OPN4: variants seen among roughly 807,000 people sequenced by gnomAD.
OPN4 encodes melanopsin.
In OPN4, 43 loss-of-function variants were observed where a neutral mutation model predicts 49.5. The ratio of observed to expected loss-of-function variants is 0.87; its 90% CI spans 0.68 to 1.12. The LOEUF (loss-of-function observed/expected upper bound fraction) is 1.12, where lower values mean the gene tolerates loss of function less well. OPN4 is among the 50% of genes most tolerant of loss of function. The pLI, the probability that OPN4 is intolerant of heterozygous loss-of-function variation, is 0.00. For synonymous variants in OPN4, 263 were observed against 258.0 expected, an observed-to-expected ratio of 1.02 and a Z score of -0.19; for missense variants, 657 against 643.9, an observed-to-expected ratio of 1.02 and a Z score of -0.22.
chr10:86,655,029 C>G (rs1200375853), intron 1 of OPN4, 102 bp downstream of exon 1: 1 of 1,224,594 alleles, frequency 8.2e-7, no homozygotes, highest in African/African-American at 1.5e-5. Context: ...TAGAAAAGGT[C>G]TGAACTCTGC....
chr10:86,661,561 C>T (rs898108986), intron 7 of OPN4, among the ~76,000 whole-genome samples, 173 bp downstream of exon 7: 2 of 152,148 alleles, frequency 1.3e-5, no homozygotes, highest in African/African-American at 4.8e-5. Flanking sequence ...CTCCCTCCCC[C>T]GCCCCAGCTT....
intron 1 of OPN4, among the ~76,000 whole-genome samples, chr10:86,655,577 C>T (rs1004818355): frequency 6.6e-6 from 1 of 152,128 alleles, no homozygotes; most frequent in Non-Finnish European, 1.5e-5. Flanking sequence ...CTTCAGTGAC[C>T]CTGGGAGGCC....
intron 1 of OPN4, 136 bp downstream of exon 1, chr10:86,655,063 G>T: frequency 3.4e-6 from 3 of 883,126 alleles, no homozygotes; most frequent in Non-Finnish European, 5.1e-6. Flanking sequence ...GCCATTACTG[G>T]ACCTCTCTGA....
intron 9 of OPN4, 35 bp downstream of exon 9, chr10:86,663,837 G>A (rs1226140663): frequency 6.5e-7 from 1 of 1,546,648 alleles, no homozygotes; most frequent in Admixed American, 2.0e-5. Flanking sequence ...TCCACAAAGG[G>A]GTGGGGGTTA....
intron 2 of OPN4, 111 bp from the exon 3 acceptor site, chr10:86,657,921 T>C: frequency 8.7e-7 from 1 of 1,144,520 alleles, no homozygotes; most frequent in South Asian, 1.5e-5. Context: ...TGTGTGTGCA[T>C]GTGTAAGTGT....
Position 86,662,420 on chromosome 10 carries a change from G to A in OPN4, c.1242G>A (p.Ser414=), listed in dbSNP as rs374246643. ...SIRRRQESLG[S]ESEVGWTHME... ...GGAGGCGCCAGGAGTCCCTGGGCTCGGAGAGTGAGGTGGTAAGGATGCTGG... is the reference window on the plus strand; with the variant it reads ...GGAGGCGCCAGGAGTCCCTGGGCTCAGAGAGTGAGGTGGTAAGGATGCTGG... The change falls in exon 8 of 10, where the codon TCG becomes TCA. Residue 414 remains serine, a synonymous_variant. Transcript: ENST00000241891. 5.9e-5 allele frequency: 92 copies of A among 1,550,038 alleles called. No individual in the cohort carries two copies. Among genetic ancestry groups the A allele is most frequent in the South Asian group, 9.5e-5 (8 of 84,244 alleles).
rs1843821571 is a variant in OPN4, at chr10:86,654,621, G to A, written c.-163G>A. On this transcript the variant is annotated 5_prime_UTR_variant, in exon 1 of 10. Transcript: ENST00000241891. Reference sequence around the variant, plus strand: ...AGAGCAACCGCCAGCCCCAAGAGCAGCTCCAGGCTGGATCTGCGCCGGACA... The same window carrying A: ...AGAGCAACCGCCAGCCCCAAGAGCAACTCCAGGCTGGATCTGCGCCGGACA... The A allele has an allele frequency of 2.1e-6, 2 of 956,962 alleles. No individual in the cohort carries two copies. The highest frequency in any genetic ancestry group is 1.7e-5 in the South Asian group (1 of 57,160). The allele number at this position is 956,962 out of a possible 1,614,324, so 59.3% of individuals were successfully genotyped here. A position where few individuals can be genotyped will look rare whatever the true frequency, so the allele number is the denominator to read the frequency against.
chr10:86,661,583 C>A (rs538428382), intron 7 of OPN4, among the ~76,000 whole-genome samples, 195 bp downstream of exon 7: 3 of 152,104 alleles, frequency 2.0e-5, no homozygotes, highest in South Asian at 2.1e-4. Context: ...CCAGGGGTCA[C>A]GGTGTGGAGG....
chr10:86,655,288 C>T (rs12241267), intron 1 of OPN4, among the ~76,000 whole-genome samples: 4,533 of 152,262 alleles, frequency 0.03, 243 homozygotes, highest in African/African-American at 0.1. Flanking sequence ...ATCTGCCAAG[C>T]CCACAGTGAA....
chr10:86,664,544 G>C (rs547564256), intron 9 of OPN4, among the ~76,000 whole-genome samples: 2 of 152,140 alleles, frequency 1.3e-5, no homozygotes, highest in African/African-American at 4.8e-5. Flanking sequence ...CCAGCTGACA[G>C]CTCCCCATCT....
intron 8 of OPN4, among the ~76,000 whole-genome samples, chr10:86,663,295 A>C (rs1844060630): frequency 6.6e-6 from 1 of 152,180 alleles, no homozygotes; most frequent in Non-Finnish European, 1.5e-5. Context: ...CTGAGAGAGG[A>C]GCTGTCAGAG....
intron 2 of OPN4, chr10:86,657,086 G>T: frequency 2.9e-6 from 2 of 698,842 alleles, no homozygotes; most frequent in Admixed American, 1.9e-5. Flanking sequence ...GGTGGAGAAG[G>T]GAACCCAGGC....
chr10:86,658,179 C>G lies in OPN4; in HGVS notation c.424+14C>G. 6.2e-7 allele frequency: 1 copy of G among 1,611,628 alleles called. No individual in the cohort carries two copies. The highest frequency in any genetic ancestry group is 1.1e-5 in the South Asian group (1 of 90,488). ...TTGGGGAGACAGGTAGATGCTGGGG[C>G]TCCCTTTTGCTGGAGGGAGGAGGAG... is the stretch of plus-strand genomic sequence containing the variant. On this transcript the variant is annotated intron_variant, in intron 3 of 9. Transcript: ENST00000241891.
intron 4 of OPN4, 25 bp downstream of exon 4, chr10:86,658,712 G>C (rs767262831): frequency 6.2e-7 from 1 of 1,607,144 alleles, no homozygotes; most frequent in South Asian, 1.1e-5. Flanking sequence ...GGAACTGGAA[G>C]GGGGGCAGAT....
At position 86,658,173 on chromosome 10, in the gene OPN4, C is replaced by T; in HGVS notation, c.424+8C>T. 6.2e-7 allele frequency: 1 copy of T among 1,612,248 alleles called. No homozygotes were observed. The highest frequency in any genetic ancestry group is 8.5e-7 in the Non-Finnish European group (1 of 1,179,532). ...GGCTCTTTGGGGAGACAGGTAGATGCTGGGGCTCCCTTTTGCTGGAGGGAG... is the reference window on the plus strand; with the variant it reads ...GGCTCTTTGGGGAGACAGGTAGATGTTGGGGCTCCCTTTTGCTGGAGGGAG... On this transcript the variant is annotated splice_region_variant and intron_variant, in intron 3 of 9. Transcript: ENST00000241891.
intron 6 of OPN4, 141 bp downstream of exon 6, chr10:86,660,200 C>T (rs928304541): frequency 5.1e-5 from 50 of 979,644 alleles, no homozygotes; most frequent in Non-Finnish European, 6.9e-5. Context: ...TATTCTCTCC[C>T]TGGGTAAGGT....
chr10:86,659,918 G>T lies in OPN4; in HGVS notation c.824G>T (p.Cys275Phe), dbSNP rs748181210. The part of the protein sequence containing the change: ...TGRALQTFGA[C>F]KGNGESLWQR... ...AGGGCTCTCCAGACCTTCGGGGCCTGCAAGGGCAATGGCGAGTCCCTGTGG... is the reference window on the plus strand; with the variant it reads ...AGGGCTCTCCAGACCTTCGGGGCCTTCAAGGGCAATGGCGAGTCCCTGTGG... Residue 275 changes from cysteine to phenylalanine, a missense_variant, in exon 6 of 10, where the codon TGC becomes TTC. Cys to Phe is a radical substitution (Grantham distance 205). Coordinates refer to ENST00000241891, the MANE Select transcript of OPN4 (RefSeq NM_033282.4). 10 of 1,614,070 alleles carry T rather than the reference G, an allele frequency of 6.2e-6. No individual in the cohort carries two copies. The Admixed American group carries it at 1.7e-4, about 27-fold the overall frequency.
chr10:86,659,430 C>T lies in OPN4; in HGVS notation c.762C>T (p.Cys254=). 1.9e-6 allele frequency: 3 copies of T among 1,614,038 alleles called. No individual in the cohort carries two copies. Among genetic ancestry groups the T allele is most frequent in the Non-Finnish European group, 2.5e-6 (3 of 1,179,938 alleles). Residue 254 remains cysteine (C), a synonymous_variant, in exon 5 of 10, where the codon TGC becomes TGT. Transcript: ENST00000241891. Reference sequence around the variant, plus strand: ...TCCCTCTGCTTATCATCATCTACTGCTACATCTTCATCTTCAGGGCCATCC... The same window carrying T: ...TCCCTCTGCTTATCATCATCTACTGTTACATCTTCATCTTCAGGGCCATCC... ...FFLPLLIIIY[C]YIFIFRAIRE... is the part of the protein sequence containing the mutation.
At position 86,666,409 on chromosome 10, in the gene OPN4, G is replaced by A. The variant is rs1844179970; in HGVS notation, c.*658G>A. 9.0e-6 allele frequency: 2 copies of A among 221,446 alleles called. No individual in the cohort carries two copies. Among genetic ancestry groups the A allele is most frequent in the Admixed American group, 1.0e-4 (2 of 19,672 alleles). 13.7% of individuals were successfully genotyped at this position (221,446 alleles called of 1,614,324 possible). On this transcript the variant is annotated 3_prime_UTR_variant, in exon 10 of 10. Transcript: ENST00000241891. The stretch of plus-strand genomic sequence containing the variant: ...TCTAAGCTCCTCCCAGGGCTGTGTG[G>A]ATCTGACAGGGTATAGGAAAATAAA...
Sources: allele counts gnomAD v4.1 joint callset (sites outside exome capture counted in the v4.1 genomes callset), GRCh38; gene constraint gnomAD v4.1.1; transcripts MANE v1.5; gene names NCBI Gene and HGNC (gene_info 2026-07-23, HGNC 2026-07-21).